CDH4: variants seen among roughly 807,000 people sequenced by gnomAD.
The protein encoded by CDH4 is cadherin-4.
A neutral mutation model predicts 86.0 loss-of-function variants in CDH4; 33 were observed. The observed-to-expected ratio is 0.38, with a 90% CI of 0.29 to 0.51. CDH4 has a LOEUF of 0.51. Ranked by LOEUF, CDH4 falls within the 20% of genes least tolerant of loss-of-function variation. CDH4 has a pLI of 0.86. For synonymous variants in CDH4, 555 were observed against 549.4 expected, an observed-to-expected ratio of 1.01 and a Z score of -0.14; for missense variants, 1,114 against 1,307.4, an observed-to-expected ratio of 0.85 and a Z score of 2.28.
intron 6 of CDH4, among the ~76,000 whole-genome samples, chr20:61,872,746 C>T (rs781385082): frequency 6.6e-5 from 10 of 152,240 alleles, no homozygotes; most frequent in Non-Finnish European, 1.3e-4. Context: ...AGAGTCCAGC[C>T]CCAGGACTTC....
Position 61,252,419 on chromosome 20 carries a change from CGATCGGAGCGGCGGCGGT to C in CDH4, c.-93_-76del. ...CGCGGGGGAGCGGCGGCGGCGGCGG[CGATCGGAGCGGCGGCGGT>C]GGTCTCGGCGGCGGCGGCGGCGGCG... On this transcript the variant is annotated 5_prime_UTR_variant, in exon 1 of 16. Coordinates refer to ENST00000614565, the MANE Select transcript of CDH4 (RefSeq NM_001794.5). The surrounding 1 kb of genome is among the most constrained non-coding windows in gnomAD (Gnocchi z 4.4). 2.1e-6 allele frequency: 1 copy of C among 481,578 alleles called. No homozygotes were observed. Among genetic ancestry groups the C allele is most frequent in the South Asian group, 8.3e-5 (1 of 12,074 alleles). 29.8% of individuals were successfully genotyped at this position (481,578 alleles called of 1,614,324 possible).
Position 61,254,687 on chromosome 20 carries a change from C to T in CDH4, c.58-139C>T, listed in dbSNP as rs111940372. 3.4e-5 allele frequency: 23 copies of T among 670,286 alleles called. No homozygotes were observed. The East Asian group carries it at 4.1e-4, about 12-fold the overall frequency. The allele number at this position is 670,286 out of a possible 1,614,324, so 41.5% of individuals were successfully genotyped here. On this transcript the variant is annotated intron_variant, in intron 1 of 15. Coordinates refer to ENST00000614565, the MANE Select transcript of CDH4 (RefSeq NM_001794.5). Reference sequence around the variant, plus strand: ...GAGAGCAGAGGAGCAGACGGGGTATCGCGTCTGGGTGGAGACGGTGGCCTG... The same window carrying T: ...GAGAGCAGAGGAGCAGACGGGGTATTGCGTCTGGGTGGAGACGGTGGCCTG...
intron 2 of CDH4, among the ~76,000 whole-genome samples, chr20:61,265,202 A>G (rs1216321984): frequency 1.9e-4 from 23 of 123,516 alleles, no homozygotes; most frequent in South Asian, 5.7e-4. Flanking sequence ...CCTTCATTCA[A>G]TCTTACTCAT....
chr20:61,662,545 G>A (rs2087270393), intron 2 of CDH4, among the ~76,000 whole-genome samples: 1 of 152,208 alleles, frequency 6.6e-6, no homozygotes, highest in South Asian at 2.1e-4. Context: ...GGGGGGCACA[G>A]GACGAGCACA....
chr20:61,412,952 T>C (rs2085127082), intron 2 of CDH4, among the ~76,000 whole-genome samples: 1 of 152,184 alleles, frequency 6.6e-6, no homozygotes, highest in Non-Finnish European at 1.5e-5. Context: ...GGAGCCAGGC[T>C]GTGTTGATAG....
At chr20:61,395,138 T>A (rs1333970797) in intron 2 of CDH4, among the ~76,000 whole-genome samples, 1 of 151,756 alleles carries the variant, frequency 6.6e-6, no homozygotes, top group Non-Finnish European at 1.5e-5. Flanking sequence ...CTTCAGCCTC[T>A]CTTGCTCCTG....
In CDH4 at chr20:61,476,825, C is replaced by T. The variant is rs189750575; in HGVS notation, c.169+221888C>T. Among the ~76,000 whole-genome samples the T allele has an allele frequency of 2.7e-4, 41 of 152,318 alleles. 1 individual carries two copies. Among genetic ancestry groups the T allele is most frequent in the Admixed American group, 2.1e-3 (32 of 15,304 alleles). On this transcript the variant is annotated intron_variant, in intron 2 of 15. Transcript: ENST00000614565. ...TGTGCATGGATCCCAGGAATACTGA[C>T]ACAGGCTGCTCCATGGTCTGTCTGG...
intron 2 of CDH4, among the ~76,000 whole-genome samples, chr20:61,595,092 C>T (rs1027832831): frequency 6.6e-6 from 1 of 152,228 alleles, no homozygotes; most frequent in African/African-American, 2.4e-5. Flanking sequence ...GGTCACGCAG[C>T]CTGTGGGCAG....
intron 2 of CDH4, among the ~76,000 whole-genome samples, chr20:61,257,312 T>G (rs2084104068): frequency 6.6e-6 from 1 of 152,204 alleles, no homozygotes; most frequent in Non-Finnish European, 1.5e-5. Context: ...TTGTTTATGA[T>G]AAATGGATGG....
At chr20:61,776,604 C>T (rs2088845603) in intron 4 of CDH4, among the ~76,000 whole-genome samples, 1 of 152,200 alleles carries the variant, frequency 6.6e-6, no homozygotes, top group South Asian at 2.1e-4. Context: ...CAGAACAGGC[C>T]GTGAGCGGAA....
At position 61,939,177 on chromosome 20, in the gene CDH4, G is replaced by A. The variant is rs1351168149; in HGVS notation, c.*2234G>A. The A allele has an allele frequency of 6.6e-6, 1 of 152,268 alleles. No homozygotes were observed. The highest frequency in any genetic ancestry group is 1.5e-5 in the Non-Finnish European group (1 of 68,082). The allele number at this position is 152,268 out of a possible 1,614,324, so 9.4% of individuals were successfully genotyped here. On this transcript the variant is annotated 3_prime_UTR_variant, in exon 16 of 16. Coordinates refer to ENST00000614565, the MANE Select transcript of CDH4 (RefSeq NM_001794.5). Reference sequence around the variant, plus strand: ...GGAGTATGCGTGGATTGTTCGAAGTGTGACTATGGCCCGGGAGCCAGGGCA... The same window carrying A: ...GGAGTATGCGTGGATTGTTCGAAGTATGACTATGGCCCGGGAGCCAGGGCA...
chr20:61,864,924 G>A (rs776788797), intron 6 of CDH4, among the ~76,000 whole-genome samples: 4 of 152,134 alleles, frequency 2.6e-5, no homozygotes, highest in African/African-American at 4.8e-5. Context: ...TCACCCCCCC[G>A]GGTCCTGGCT....
At chr20:61,314,197 T>G (rs2084463756) in intron 2 of CDH4, among the ~76,000 whole-genome samples, 1 of 152,218 alleles carries the variant, frequency 6.6e-6, no homozygotes, top group African/African-American at 2.4e-5. Context: ...CCCTGGTCTC[T>G]GAGCTGTACC....
intron 5 of CDH4, among the ~76,000 whole-genome samples, chr20:61,849,614 G>C (rs1982622571): frequency 6.6e-6 from 1 of 152,146 alleles, no homozygotes; most frequent in Admixed American, 6.5e-5. Flanking sequence ...GGCTGTGGCA[G>C]GTCTGGATCC....
intron 2 of CDH4, among the ~76,000 whole-genome samples, chr20:61,476,635 C>T (rs1415234800): frequency 1.3e-5 from 2 of 152,244 alleles, no homozygotes; most frequent in Non-Finnish European, 2.9e-5. Context: ...CTGCTCGCCC[C>T]ACCTTCAGTC....
rs903734278 is a variant in CDH4 at position 61,392,830 on chromosome 20, T to G, written c.169+137893T>G. Among the ~76,000 whole-genome samples, 2 of 152,298 alleles carry G rather than the reference T, an allele frequency of 1.3e-5. No individual in the cohort carries two copies. Among genetic ancestry groups the G allele is most frequent in the Admixed American group, 6.5e-5 (1 of 15,306 alleles). On this transcript the variant is annotated intron_variant, in intron 2 of 15. Coordinates refer to ENST00000614565, the MANE Select transcript of CDH4 (RefSeq NM_001794.5). The surrounding 1 kb of genome is among the most constrained non-coding windows in gnomAD (Gnocchi z 5.7). ...CCCACGGTGCTCTAGAAATGTCAGA[T>G]GCATTCGTCTTCCATTAGCCCCTCC...
intron 2 of CDH4, among the ~76,000 whole-genome samples, chr20:61,566,753 C>A (rs1017602840): frequency 6.6e-6 from 1 of 152,190 alleles, no homozygotes; most frequent in Non-Finnish European, 1.5e-5. Context: ...GCCCAAAGAA[C>A]TGAGCAGGGC....
intron 2 of CDH4, among the ~76,000 whole-genome samples, chr20:61,527,032 A>G (rs2085915910): frequency 6.6e-6 from 1 of 152,238 alleles, no homozygotes; most frequent in African/African-American, 2.4e-5. Context: ...ACGGGGCTCC[A>G]TTGGCCTCCG....
intron 4 of CDH4, among the ~76,000 whole-genome samples, chr20:61,794,650 C>T (rs184356880): frequency 1.2e-3 from 190 of 152,364 alleles, no homozygotes; most frequent in Middle Eastern, 3.4e-3. Flanking sequence ...TACAATAGCA[C>T]ATCCTTGGAC....
Sources: gnomAD v4.1 joint callset for allele counts (sites outside exome capture counted in the v4.1 genomes callset) on GRCh38, gnomAD v4.1.1 for gene constraint, Gnocchi (gnomAD v3.1) non-coding constraint, MANE v1.5 for transcripts, NCBI Gene and HGNC (gene_info 2026-07-23, HGNC 2026-07-21) for gene names.